The following MBNL1 variants were observed in gnomAD, a reference collection of about 807,000 sequenced individuals.
MBNL1 encodes the protein muscleblind like splicing regulator 1.
In MBNL1, 8 loss-of-function variants were observed where a neutral mutation model predicts 42.2. The observed-to-expected ratio is 0.19, with a 90% confidence interval of 0.11 to 0.34. The LOEUF (loss-of-function observed/expected upper bound fraction) is 0.34. Among genes scored for constraint, MBNL1 ranks in the 10% least tolerant of loss-of-function variants. The pLI, the probability that MBNL1 is intolerant of heterozygous loss-of-function variation, is 1.00. For synonymous variants in MBNL1, 169 were observed against 173.9 expected, an observed-to-expected ratio of 0.97 and a Z score of 0.22; for missense variants, 309 against 495.3, an observed-to-expected ratio of 0.62 and a Z score of 3.57.
chr3:152,458,092 A>G (rs1164862384), intron 8 of MBNL1: 1 of 1,586,448 alleles, frequency 6.3e-7, no homozygotes, highest in Non-Finnish European at 8.7e-7. Context: ...CTTCATCTGC[A>G]TCGATTGGTG....
At chr3:152,302,586 G>A (rs945884468) in intron 2 of MBNL1, 3 of 152,084 alleles carry the variant, frequency 2.0e-5, no homozygotes, top group Non-Finnish European at 2.9e-5. Flanking sequence ...CTTGTATTCA[G>A]TCTTGTGGCT....
At chr3:152,352,592 G>T (rs2095135220) in intron 2 of MBNL1, among the ~76,000 whole-genome samples, 1 of 149,972 alleles carries the variant, frequency 6.7e-6, no homozygotes, top group Admixed American at 6.7e-5. Context: ...TGCTGTTGTT[G>T]TTTTTTTTTG....
At chr3:152,338,664 A>G (rs949640971) in intron 2 of MBNL1, 2 of 985,270 alleles carry the variant, frequency 2.0e-6, no homozygotes, top group African/African-American at 3.5e-5. Context: ...TCTCCAGAAG[A>G]TATGTAAAGG....
intron 2 of MBNL1, among the ~76,000 whole-genome samples, chr3:152,249,578 C>T (rs1461587322): frequency 6.9e-6 from 1 of 145,912 alleles, no homozygotes; most frequent in Admixed American, 6.9e-5. Flanking sequence ...TGCCTGTTCA[C>T]TCTGATGGTA....
chr3:152,308,515 A>G (rs115257430), intron 2 of MBNL1, among the ~76,000 whole-genome samples: 488 of 152,270 alleles, frequency 3.2e-3, no homozygotes, highest in African/African-American at 0.011. Flanking sequence ...AAGACAGGGT[A>G]TGCAGTGAGG....
At chr3:152,354,292 AAATAAT>A (rs955790437) in intron 2 of MBNL1, among the ~76,000 whole-genome samples, 4 of 152,030 alleles carry the variant, frequency 2.6e-5, no homozygotes, top group Admixed American at 6.6e-5. Flanking sequence ...CTGTCTCTAA[AAATAAT>A]AATAATAATA....
chr3:152,465,723 T>C lies in MBNL1; in HGVS notation c.*3357T>C, dbSNP rs7221. ...TTTTATTATTACTGCAGTAGTTGAC[T>C]TTGCTGTATGGAAAAATAAAGTGAA... On this transcript the variant is annotated 3_prime_UTR_variant, in exon 10 of 10. Coordinates refer to ENST00000324210, the MANE Select transcript of MBNL1 (RefSeq NM_021038.5). 0.2 allele frequency: 30,509 copies of C among 152,486 alleles called. 3,386 individuals carry two copies. Among genetic ancestry groups the C allele is most frequent in the South Asian group, 0.28 (1,364 of 4,828 alleles). The allele number at this position is 152,486 out of a possible 1,614,324, so 9.4% of individuals were successfully genotyped here. A position where few individuals can be genotyped will look rare whatever the true frequency, so the allele number is the denominator to read the frequency against.
intron 2 of MBNL1, among the ~76,000 whole-genome samples, chr3:152,396,838 C>T (rs566291506): frequency 7.9e-5 from 12 of 152,082 alleles, no homozygotes; most frequent in African/African-American, 2.2e-4. Context: ...TTCAATTGCT[C>T]GAACAGTATT....
chr3:152,420,580 A>C (rs1249789254), intron 3 of MBNL1, among the ~76,000 whole-genome samples: 1 of 152,194 alleles, frequency 6.6e-6, no homozygotes, highest in Admixed American at 6.5e-5. Flanking sequence ...CAACATCAAC[A>C]AAAAGGACGC....
chr3:152,359,520 C>A (rs1238613587), intron 2 of MBNL1, among the ~76,000 whole-genome samples: 2 of 152,160 alleles, frequency 1.3e-5, no homozygotes, highest in Non-Finnish European at 2.9e-5. Flanking sequence ...ATATCACAGA[C>A]TTAAAGCTAC....
chr3:152,421,996 A>G (rs1248371489), intron 3 of MBNL1, among the ~76,000 whole-genome samples: 3 of 152,140 alleles, frequency 2.0e-5, no homozygotes, highest in African/African-American at 7.2e-5. Flanking sequence ...TGTAAACACC[A>G]TTGACATATG....
chr3:152,441,104 C>T (rs2099140171), intron 4 of MBNL1, among the ~76,000 whole-genome samples: 2 of 152,238 alleles, frequency 1.3e-5, no homozygotes, highest in Middle Eastern at 3.4e-3. Flanking sequence ...GTTAATTATA[C>T]AAATATGGTG....
chr3:152,354,907 A>C (rs535583333), intron 2 of MBNL1, among the ~76,000 whole-genome samples: 2 of 152,108 alleles, frequency 1.3e-5, no homozygotes, highest in Non-Finnish European at 2.9e-5. Flanking sequence ...AGATCGTGTA[A>C]ATCTTTCGCC....
chr3:152,437,797 T>C (rs952523009), intron 4 of MBNL1, among the ~76,000 whole-genome samples: 3 of 148,460 alleles, frequency 2.0e-5, no homozygotes, highest in African/African-American at 7.5e-5. Flanking sequence ...TTTTTGACAC[T>C]AAGTCTCACA....
At chr3:152,409,305 TTGTG>T (rs373484914) in intron 2 of MBNL1, among the ~76,000 whole-genome samples, 5 of 151,996 alleles carry the variant, frequency 3.3e-5, no homozygotes. Flanking sequence ...GTGTATGTGT[TTGTG>T]TGTGTGTGTT....
chr3:152,413,982 A>G (rs139506096), intron 2 of MBNL1, among the ~76,000 whole-genome samples: 170 of 152,284 alleles, frequency 1.1e-3, no homozygotes, highest in Middle Eastern at 3.4e-3. Context: ...AGCTCTCACT[A>G]TGTTGCCCAG....
chr3:152,260,565 T>C (rs985902802), intron 2 of MBNL1, among the ~76,000 whole-genome samples: 2 of 152,168 alleles, frequency 1.3e-5, no homozygotes, highest in South Asian at 2.1e-4. Flanking sequence ...GGTGAAGATA[T>C]GTATATCTTC....
intron 2 of MBNL1, among the ~76,000 whole-genome samples, chr3:152,257,102 C>G (rs1019941790): frequency 2.0e-5 from 3 of 152,112 alleles, no homozygotes; most frequent in Non-Finnish European, 4.4e-5. Flanking sequence ...ATGATGACCA[C>G]CATACTATCG....
intron 1 of MBNL1, among the ~76,000 whole-genome samples, chr3:152,295,116 TTTGA>T (rs1334392630): frequency 6.6e-6 from 1 of 152,234 alleles, no homozygotes; most frequent in African/African-American, 2.4e-5. Flanking sequence ...TTATTAATAC[TTTGA>T]TTATCATCCT....
Sources: gnomAD v4.1 joint callset for allele counts (sites outside exome capture counted in the v4.1 genomes callset) on GRCh38, gnomAD v4.1.1 for gene constraint, MANE v1.5 for transcripts, NCBI Gene and HGNC (gene_info 2026-07-23, HGNC 2026-07-21) for gene names.